The following SLC39A11 variants were observed in gnomAD, a reference collection of about 807,000 sequenced individuals.
The protein encoded by SLC39A11 is zinc transporter ZIP11.
SLC39A11 carries 33 observed loss-of-function variants against 36.1 expected under a neutral mutation model. That is an observed-to-expected ratio of 0.91 (90% CI 0.69 to 1.22). The LOEUF (loss-of-function observed/expected upper bound fraction) is 1.22. SLC39A11 is among the 50% of genes most tolerant of loss of function. SLC39A11 has a pLI of 0.00. For missense variants in SLC39A11, 432 were observed against 430.3 expected, an observed-to-expected ratio of 1.00 and a Z score of -0.03; for synonymous variants, 166 against 170.3, an observed-to-expected ratio of 0.97 and a Z score of 0.20.
Position 72,648,945 on chromosome 17 carries a change from C to A in SLC39A11, c.787G>T (p.Gly263Cys), listed in dbSNP as rs1183287091. The change falls in exon 9 of 10, where the codon GGC (glycine) becomes TGC (cysteine). Residue 263 changes from glycine (G) to cysteine (C), a missense_variant. Gly to Cys is a radical substitution (Grantham distance 159). Coordinates refer to ENST00000255559, the MANE Select transcript of SLC39A11 (RefSeq NM_139177.4). ...ACCCCGGCCAGGGGCTCCACCATGCCGCTCAGCTGCCCATACCTAAGGAGA... is the reference window on the plus strand; with the variant it reads ...ACCCCGGCCAGGGGCTCCACCATGCAGCTCAGCTGCCCATACCTAAGGAGA... ...WRAFWYGQLSGMVEPLAGVFG... is the reference protein window; with the variant it reads ...WRAFWYGQLSCMVEPLAGVFG... 2 of 1,612,838 alleles carry A rather than the reference C, an allele frequency of 1.2e-6. No homozygotes were observed. Among genetic ancestry groups the A allele is most frequent in the Middle Eastern group, 1.7e-4 (1 of 6,052 alleles).
At chr17:72,895,815 C>G (rs2146812536) in intron 5 of SLC39A11, among the ~76,000 whole-genome samples, 1 of 152,216 alleles carries the variant, frequency 6.6e-6, no homozygotes, top group African/African-American at 2.4e-5. Flanking sequence ...TGAGAATGTT[C>G]AATAAACTCC....
chr17:73,050,841 G>T (rs959485497), intron 3 of SLC39A11, among the ~76,000 whole-genome samples: 2 of 152,182 alleles, frequency 1.3e-5, no homozygotes, highest in African/African-American at 4.8e-5. Flanking sequence ...AGAGCAGAGA[G>T]ACCAGCAGAA....
chr17:72,792,000 T>C (rs1363098435), intron 6 of SLC39A11, among the ~76,000 whole-genome samples: 2 of 152,212 alleles, frequency 1.3e-5, no homozygotes, highest in African/African-American at 2.4e-5. Context: ...TATGATAACT[T>C]CTCATTTCTC....
intron 5 of SLC39A11, among the ~76,000 whole-genome samples, chr17:72,910,430 C>A (rs925401097): frequency 6.6e-6 from 1 of 151,838 alleles, no homozygotes; most frequent in Admixed American, 6.6e-5. Context: ...TTGAGACCAG[C>A]GTGGCCAACG....
intron 6 of SLC39A11, among the ~76,000 whole-genome samples, chr17:72,803,740 GGCAGAATAAGGGACTA>G (rs1159064865): frequency 4.6e-5 from 7 of 152,050 alleles, no homozygotes. Flanking sequence ...ATCAGTATTC[GGCAGAATAAGGGACTA>G]GTCTCCCTTC....
intron 5 of SLC39A11, 53 bp from the exon 6 acceptor site, chr17:72,849,857 G>C: frequency 6.9e-7 from 1 of 1,457,034 alleles, no homozygotes; most frequent in Non-Finnish European, 9.1e-7. Flanking sequence ...CTTTGAACAT[G>C]TGCACGTTAA....
At chr17:73,077,237 T>A (rs945090379) in intron 3 of SLC39A11, among the ~76,000 whole-genome samples, 1 of 152,192 alleles carries the variant, frequency 6.6e-6, no homozygotes, top group African/African-American at 2.4e-5. Context: ...CTGTCTCCCA[T>A]ATGATGTTCT....
At chr17:72,813,126 G>A (rs1377153319) in intron 6 of SLC39A11, among the ~76,000 whole-genome samples, 1 of 152,186 alleles carries the variant, frequency 6.6e-6, no homozygotes, top group African/African-American at 2.4e-5. Context: ...GTTTTGGGAT[G>A]CCTTGCTATT....
At chr17:72,956,687 C>G (rs192124819) in intron 4 of SLC39A11, among the ~76,000 whole-genome samples, 62 of 152,242 alleles carry the variant, frequency 4.1e-4, no homozygotes, top group African/African-American at 1.4e-3. Flanking sequence ...CCACTCTGAG[C>G]TTTTTCTGGC....
At chr17:73,078,540 G>A (rs373248734) in intron 3 of SLC39A11, among the ~76,000 whole-genome samples, 2 of 151,226 alleles carry the variant, frequency 1.3e-5, no homozygotes. Flanking sequence ...AGGCTGGAGT[G>A]CAATGGCGCA....
At chr17:72,966,595 A>C (rs1022786373) in intron 4 of SLC39A11, among the ~76,000 whole-genome samples, 11 of 151,744 alleles carry the variant, frequency 7.2e-5, no homozygotes, top group African/African-American at 1.9e-4. Flanking sequence ...TTTGAGACGG[A>C]GGCTCGCTCT....
At chr17:72,750,761 G>A (rs910551624) in intron 6 of SLC39A11, among the ~76,000 whole-genome samples, 4 of 150,762 alleles carry the variant, frequency 2.7e-5, no homozygotes, top group African/African-American at 7.3e-5. Flanking sequence ...TTTCCTACAA[G>A]CAGAAGTATT....
chr17:72,679,641 G>T (rs1047077158), intron 7 of SLC39A11, among the ~76,000 whole-genome samples: 2 of 152,230 alleles, frequency 1.3e-5, no homozygotes, highest in African/African-American at 4.8e-5. Flanking sequence ...GCCAACGTGT[G>T]TAGAGACATG....
intron 3 of SLC39A11, among the ~76,000 whole-genome samples, chr17:73,034,584 C>T (rs1316145767): frequency 6.6e-6 from 1 of 152,188 alleles, no homozygotes; most frequent in East Asian, 1.9e-4. Context: ...ACGGTCCCAC[C>T]TTCAACAACT....
At chr17:72,940,125 T>C (rs2147590276) in intron 5 of SLC39A11, among the ~76,000 whole-genome samples, 1 of 152,262 alleles carries the variant, frequency 6.6e-6, no homozygotes, top group African/African-American at 2.4e-5. Flanking sequence ...CAGATGTGTA[T>C]TGCAATTATT....
At chr17:72,868,662 T>TAAA (rs2080446025) in intron 5 of SLC39A11, among the ~76,000 whole-genome samples, 1 of 134,508 alleles carries the variant, frequency 7.4e-6, no homozygotes, top group Non-Finnish European at 1.6e-5. Context: ...AAGAAAAAAT[T>TAAA]AGCCAGGTGG....
chr17:72,858,945 G>A (rs1181750520), intron 5 of SLC39A11, among the ~76,000 whole-genome samples: 3 of 152,184 alleles, frequency 2.0e-5, no homozygotes, highest in Non-Finnish European at 4.4e-5. Context: ...ATGCAAACAG[G>A]AATAGTTTGA....
intron 3 of SLC39A11, among the ~76,000 whole-genome samples, chr17:73,064,487 G>T (rs1192821928): frequency 6.6e-6 from 1 of 152,102 alleles, no homozygotes; most frequent in Admixed American, 6.6e-5. Context: ...GAGGTTAAAG[G>T]ACTTGTGGCT....
chr17:72,653,240 G>T (rs1393076188), intron 7 of SLC39A11, among the ~76,000 whole-genome samples: 1 of 151,776 alleles, frequency 6.6e-6, no homozygotes, highest in African/African-American at 2.4e-5. Context: ...GAGTAGCTGG[G>T]ATTACAGGCA....
Sources: gnomAD v4.1 joint callset for allele counts (sites outside exome capture counted in the v4.1 genomes callset) on GRCh38, gnomAD v4.1.1 for gene constraint, MANE v1.5 for transcripts, NCBI Gene and HGNC (gene_info 2026-07-23, HGNC 2026-07-21) for gene names.